The following MYO5A variants were observed in gnomAD, a reference collection of about 807,000 sequenced individuals.
MYO5A encodes the protein unconventional myosin-Va.
A neutral mutation model predicts 249.7 loss-of-function variants in MYO5A; 98 were observed. That is an observed-to-expected ratio of 0.39 (90% CI 0.33 to 0.46). The LOEUF is 0.46. MYO5A is among the 20% of genes least tolerant of loss of function. The probability of loss-of-function intolerance (pLI) is 0.98; values close to 1 mark genes in which losing one functional copy is unlikely to be tolerated. For missense variants in MYO5A, 1,696 were observed against 2,308.8 expected (o/e 0.73, Z 5.44); for synonymous variants, 778 against 810.6 (o/e 0.96, Z 0.68).
At chr15:52,416,800 G>C (rs927314113) in intron 4 of MYO5A, among the ~76,000 whole-genome samples, 2 of 152,148 alleles carry the variant, frequency 1.3e-5, no homozygotes, top group African/African-American at 2.4e-5. Flanking sequence ...AGAGAAACAG[G>C]GTCTTCACAA....
At chr15:52,322,165 A>C (rs1417890400) in intron 37 of MYO5A, among the ~76,000 whole-genome samples, 1 of 152,200 alleles carries the variant, frequency 6.6e-6, no homozygotes, top group African/African-American at 2.4e-5. Flanking sequence ...TACTCTGAGG[A>C]TTCTCCCTAC....
At chr15:52,316,933 A>C in intron 40 of MYO5A, 115 bp downstream of exon 40, 1 of 1,171,664 alleles carries the variant, frequency 8.5e-7, no homozygotes, top group Non-Finnish European at 1.3e-6. Context: ...TATCTTCTTG[A>C]ACACAGATGA....
intron 21 of MYO5A, among the ~76,000 whole-genome samples, chr15:52,371,094 C>G (rs2041085711): frequency 6.6e-6 from 1 of 150,990 alleles, no homozygotes; most frequent in Non-Finnish European, 1.5e-5. Context: ...GCCTGGGTGA[C>G]AGGGTGAGAA....
intron 38 of MYO5A, among the ~76,000 whole-genome samples, chr15:52,320,563 T>C (rs2038250982): frequency 6.6e-6 from 1 of 152,180 alleles, no homozygotes; most frequent in African/African-American, 2.4e-5. Context: ...CCATCTCCCA[T>C]GGCTTCTTCA....
At chr15:52,400,829 C>T (rs1056039850) in intron 9 of MYO5A, among the ~76,000 whole-genome samples, 1 of 152,156 alleles carries the variant, frequency 6.6e-6, no homozygotes, top group Non-Finnish European at 1.5e-5. Flanking sequence ...TGATAACTAT[C>T]TTTCCCTTTG....
chr15:52,338,288 A>G (rs1271813203), intron 32 of MYO5A, among the ~76,000 whole-genome samples: 2 of 151,826 alleles, frequency 1.3e-5, no homozygotes, highest in Non-Finnish European at 2.9e-5. Flanking sequence ...ATATAATAAA[A>G]GTGAGAATAA....
intron 1 of MYO5A, among the ~76,000 whole-genome samples, chr15:52,499,236 T>G (rs1212869488): frequency 6.6e-6 from 1 of 152,262 alleles, no homozygotes; most frequent in African/African-American, 2.4e-5. Context: ...TTTAAGCTTT[T>G]AAAATAACAA....
At chr15:52,396,761 G>C (rs1023822920) in intron 10 of MYO5A, among the ~76,000 whole-genome samples, 1 of 152,056 alleles carries the variant, frequency 6.6e-6, no homozygotes, top group African/African-American at 2.4e-5. Flanking sequence ...CACACATATA[G>C]GAGGGAAATA....
intron 36 of MYO5A, among the ~76,000 whole-genome samples, chr15:52,325,746 G>A (rs1018244485): frequency 8.6e-5 from 13 of 151,716 alleles, no homozygotes. Context: ...TGAACACTAA[G>A]GGTATCCTCT....
At chr15:52,428,352 T>A in intron 3 of MYO5A, 46 bp downstream of exon 3, 1 of 1,563,148 alleles carries the variant, frequency 6.4e-7, no homozygotes, top group Non-Finnish European at 8.8e-7. Flanking sequence ...CTATGTCCAT[T>A]AGAGGAAAGA....
chr15:52,409,227 T>C (rs2043140503), intron 6 of MYO5A, among the ~76,000 whole-genome samples: 2 of 151,950 alleles, frequency 1.3e-5, no homozygotes, highest in Middle Eastern at 3.2e-3. Context: ...GGACCATCTT[T>C]CCCCCCTGCT....
intron 1 of MYO5A, among the ~76,000 whole-genome samples, chr15:52,509,940 C>CTAT (rs2141615246): frequency 6.6e-6 from 1 of 152,196 alleles, no homozygotes; most frequent in South Asian, 2.1e-4. Flanking sequence ...TTTAATGAGA[C>CTAT]TATTATTCCA....
intron 15 of MYO5A, 134 bp downstream of exon 15, chr15:52,384,027 C>T (rs1222466907): frequency 6.9e-6 from 7 of 1,018,616 alleles, no homozygotes; most frequent in East Asian, 5.1e-5. Flanking sequence ...TGGATGGTGT[C>T]GTATGATCTC....
intron 1 of MYO5A, among the ~76,000 whole-genome samples, chr15:52,439,862 TAAA>T (rs1417048726): frequency 3.9e-5 from 6 of 152,260 alleles, no homozygotes; most frequent in African/African-American, 1.4e-4. Flanking sequence ...CTAAACTACA[TAAA>T]ATGTAAACAC....
intron 12 of MYO5A, among the ~76,000 whole-genome samples, chr15:52,389,815 G>A (rs563234711): frequency 2.0e-5 from 3 of 152,176 alleles, no homozygotes; most frequent in South Asian, 2.1e-4. Flanking sequence ...TTAGCCAGGC[G>A]AGGTGGTGGG....
intron 7 of MYO5A, 127 bp downstream of exon 7, chr15:52,407,932 G>A (rs992080438): frequency 1.1e-5 from 8 of 699,068 alleles, no homozygotes; most frequent in Non-Finnish European, 2.0e-5. Context: ...GCCAAGGGCT[G>A]ACTTTTTATC....
chr15:52,458,103 G>A (rs2076156963), intron 1 of MYO5A, among the ~76,000 whole-genome samples: 1 of 152,184 alleles, frequency 6.6e-6, no homozygotes. Flanking sequence ...AGGCTAGAAG[G>A]GTGTATGTGG....
At chr15:52,318,190 T>C (rs1198976884) in intron 39 of MYO5A, among the ~76,000 whole-genome samples, 2 of 150,972 alleles carry the variant, frequency 1.3e-5, no homozygotes, top group Non-Finnish European at 3.0e-5. Flanking sequence ...GCACGGTGGC[T>C]CACACCTGTA....
At chr15:52,369,437 C>A (rs1291440162) in intron 22 of MYO5A, among the ~76,000 whole-genome samples, 1 of 152,192 alleles carries the variant, frequency 6.6e-6, no homozygotes, top group East Asian at 1.9e-4. Context: ...TACTACTTGA[C>A]AATCTTAATG....
Sources: gnomAD v4.1 joint callset for allele counts (sites outside exome capture counted in the v4.1 genomes callset) on GRCh38, gnomAD v4.1.1 for gene constraint, MANE v1.5 for transcripts, NCBI Gene and HGNC (gene_info 2026-07-23, HGNC 2026-07-21) for gene names.